The following EFHC1 variants were observed in gnomAD, a reference collection of about 807,000 sequenced individuals.
The protein encoded by EFHC1 is EF-hand domain containing 1, also known as EF-hand domain-containing protein 1.
Under a neutral mutation model 69.9 loss-of-function variants are expected in EFHC1, and 53 were observed. The observed-to-expected ratio is 0.76, with a 90% CI of 0.61 to 0.95. EFHC1 has a LOEUF of 0.95. EFHC1 is among the 40% of genes least tolerant of loss of function. The pLI, the probability that EFHC1 is intolerant of heterozygous loss-of-function variation, is 0.00. For synonymous variants in EFHC1, 256 were observed against 278.4 expected, an observed-to-expected ratio of 0.92 and a Z score of 0.80; for missense variants, 739 against 798.7, an observed-to-expected ratio of 0.93 and a Z score of 0.90.
In EFHC1 at chr6:52,480,740, G is replaced by A. The variant is rs116480827; in HGVS notation, c.1640+953G>A. 7.0e-3 allele frequency among the ~76,000 whole-genome samples: 1,072 copies of A among 152,240 alleles called. 16 individuals carry two copies. Among genetic ancestry groups the A allele is most frequent in the African/African-American group, 0.021 (868 of 41,528 alleles). ...GTGCTTTTCAGGAAGAGGAAATAGC[G>A]CATGCAAAGGCCCTAAATACTAGCA... On this transcript the variant is annotated intron_variant, in intron 9 of 10. Transcript: ENST00000371068.
At chr6:52,431,203 T>C (rs1764405401) in intron 2 of EFHC1, among the ~76,000 whole-genome samples, 1 of 152,198 alleles carries the variant, frequency 6.6e-6, no homozygotes, top group East Asian at 1.9e-4. Context: ...ATTTCATTTG[T>C]TTCTGCTTTG....
At chr6:52,437,657 G>A (rs1764562755) in intron 2 of EFHC1, 1 of 152,444 alleles carries the variant, frequency 6.6e-6, no homozygotes, top group South Asian at 2.1e-4. Context: ...TTCTTGCTAT[G>A]TCTTCATGTG....
chr6:52,431,046 T>C (rs1453575756), intron 2 of EFHC1, among the ~76,000 whole-genome samples: 1 of 152,208 alleles, frequency 6.6e-6, no homozygotes, highest in East Asian at 1.9e-4. Flanking sequence ...TTGTAATATC[T>C]TCCATTTTGT....
At chr6:52,473,715 G>A (rs1249384293) in intron 7 of EFHC1, among the ~76,000 whole-genome samples, 1 of 152,010 alleles carries the variant, frequency 6.6e-6, no homozygotes, top group Non-Finnish European at 1.5e-5. Flanking sequence ...CTGGGGGGCG[G>A]AGGTTGCAGT....
At chr6:52,427,969 C>A (rs1764336492) in intron 2 of EFHC1, among the ~76,000 whole-genome samples, 1 of 152,000 alleles carries the variant, frequency 6.6e-6, no homozygotes, top group South Asian at 2.1e-4. Flanking sequence ...GGTCTCCTAC[C>A]AGCTAACATT....
intron 7 of EFHC1, among the ~76,000 whole-genome samples, chr6:52,475,870 A>G (rs1765534972): frequency 6.6e-6 from 1 of 152,248 alleles, no homozygotes; most frequent in Non-Finnish European, 1.5e-5. Context: ...AATACATTGT[A>G]TAAGGATAGG....
Position 52,438,291 on chromosome 6 carries a change from T to G in EFHC1, c.286-13T>G. ...TAATAGTACACCATTTCTCCTTTCCTTGTATGTTATAGGTACTGAAATTTG... is the reference window on the plus strand; with the variant it reads ...TAATAGTACACCATTTCTCCTTTCCGTGTATGTTATAGGTACTGAAATTTG... On this transcript the variant is annotated splice_polypyrimidine_tract_variant and intron_variant, in intron 2 of 10. Transcript: ENST00000371068. 2 of 1,610,170 alleles carry G rather than the reference T, an allele frequency of 1.2e-6. No homozygotes were observed. Among genetic ancestry groups the G allele is most frequent in the Non-Finnish European group, 1.7e-6 (2 of 1,178,040 alleles).
rs1374718335 is a variant in EFHC1 at position 52,452,732 on chromosome 6, G to A, written c.618G>A (p.Lys206=). Residue 206 remains lysine (K), a synonymous_variant, in exon 4 of 11, where the codon AAG becomes AAA. Transcript: ENST00000371068. ...GAATTGAGTTAAATCCACCAGAGAA[G>A]ATGGCTCTTGATCCTTACACTGAAC... ...SQGIELNPPE[K]MALDPYTELR... is the part of the protein sequence containing the mutation. 1.1e-5 allele frequency: 18 copies of A among 1,614,074 alleles called. No individual in the cohort carries two copies. The highest frequency in any genetic ancestry group is 1.4e-5 in the Non-Finnish European group (17 of 1,180,046).
chr6:52,438,400 G>T lies in EFHC1; in HGVS notation c.382G>T (p.Asp128Tyr). Residue 128 changes from aspartate (D) to tyrosine (Y), a missense_variant, in exon 3 of 11, where the codon GAT becomes TAT. Asp to Tyr is a radical substitution (Grantham distance 160). Transcript: ENST00000371068. Reference protein sequence around the residue: ...RQVNIYYYLEDDSMSVIEPVV... With the variant: ...RQVNIYYYLEYDSMSVIEPVV... ...GGTGAACATTTACTATTATCTAGAA[G>T]ATGACAGCATGTCTGTCATAGAGCC... The T allele has an allele frequency of 6.2e-7, 1 of 1,613,914 alleles. No individual in the cohort carries two copies. Among genetic ancestry groups the T allele is most frequent in the Non-Finnish European group, 8.5e-7 (1 of 1,179,884 alleles).
chr6:52,467,769 A>G (rs1192130307), intron 6 of EFHC1, among the ~76,000 whole-genome samples: 6 of 152,242 alleles, frequency 3.9e-5, no homozygotes, highest in African/African-American at 9.6e-5. Flanking sequence ...TACTTTCTCT[A>G]TAATAAATAG....
rs535594753 is a variant in EFHC1, at chr6:52,423,932, C to A, written c.64-14C>A. ...TGTCTAATGTTATTAATGACACATTCTTTTCTTCTTCAGAAAACAGCCTTC... is the reference window on the plus strand; with the variant it reads ...TGTCTAATGTTATTAATGACACATTATTTTCTTCTTCAGAAAACAGCCTTC... On this transcript the variant is annotated splice_polypyrimidine_tract_variant and intron_variant, in intron 1 of 10. Coordinates refer to ENST00000371068, the MANE Select transcript of EFHC1 (RefSeq NM_018100.4). 9.9e-6 allele frequency: 16 copies of A among 1,613,192 alleles called. No individual in the cohort carries two copies. Among genetic ancestry groups the A allele is most frequent in the Admixed American group, 1.7e-5 (1 of 59,970 alleles).
rs898644165 is a variant in EFHC1 at position 52,492,620 on chromosome 6, A to G, written c.*279A>G. The G allele has an allele frequency of 1.7e-5, 9 of 531,352 alleles. No individual in the cohort carries two copies. The highest frequency in any genetic ancestry group is 3.2e-5 in the Non-Finnish European group (9 of 279,040). 32.9% of individuals were successfully genotyped at this position (531,352 alleles called of 1,614,324 possible). On this transcript the variant is annotated 3_prime_UTR_variant, in exon 11 of 11. Coordinates refer to ENST00000371068, the MANE Select transcript of EFHC1 (RefSeq NM_018100.4). ...ATTTCCTTTCTTTCTTTTTAAAAAA[A>G]TAAATTTTTTTAGAGATGGGATCTC...
At chr6:52,451,828 C>T (rs1764922874) in intron 3 of EFHC1, among the ~76,000 whole-genome samples, 1 of 152,168 alleles carries the variant, frequency 6.6e-6, no homozygotes, top group Non-Finnish European at 1.5e-5. Flanking sequence ...GTTTTCTGGT[C>T]TAATATAACC....
intron 3 of EFHC1, among the ~76,000 whole-genome samples, chr6:52,444,683 C>T (rs527497282): frequency 1.5e-4 from 23 of 152,152 alleles, no homozygotes; most frequent in Admixed American, 1.3e-4. Flanking sequence ...CTGCTGGATT[C>T]GGTTTGCCAG....
At chr6:52,469,172 G>T (rs1765378581) in intron 6 of EFHC1, 161 bp from the exon 7 acceptor site, 7 of 875,636 alleles carry the variant, frequency 8.0e-6, no homozygotes, top group African/African-American at 1.7e-5. Context: ...CAGAGGAAGG[G>T]GATAAGTGAT....
chr6:52,450,048 A>G (rs1764881344), intron 3 of EFHC1, among the ~76,000 whole-genome samples: 1 of 152,086 alleles, frequency 6.6e-6, no homozygotes, highest in African/African-American at 2.4e-5. Flanking sequence ...TTTCTGCCTT[A>G]ATTTCATTAT....
At chr6:52,441,732 G>A (rs1400383904) in intron 3 of EFHC1, among the ~76,000 whole-genome samples, 1 of 152,138 alleles carries the variant, frequency 6.6e-6, no homozygotes, top group Non-Finnish European at 1.5e-5. Flanking sequence ...GTATCCATGA[G>A]CATGTAATGT....
At chr6:52,459,382 A>G (rs1407015938) in intron 5 of EFHC1, among the ~76,000 whole-genome samples, 1 of 152,212 alleles carries the variant, frequency 6.6e-6, no homozygotes. Context: ...AAACAACCCA[A>G]ATAAAAAATA....
intron 2 of EFHC1, among the ~76,000 whole-genome samples, chr6:52,431,130 A>G (rs954924635): frequency 2.6e-5 from 4 of 151,912 alleles, no homozygotes; most frequent in Non-Finnish European, 5.9e-5. Context: ...AATTTTATGT[A>G]GCTTTTCAAA....
Sources: gnomAD v4.1 joint callset for allele counts (sites outside exome capture counted in the v4.1 genomes callset) on GRCh38, gnomAD v4.1.1 for gene constraint, MANE v1.5 for transcripts, NCBI Gene and HGNC (gene_info 2026-07-23, HGNC 2026-07-21) for gene names.